The following NRG1 variants were observed in gnomAD, a reference collection of about 807,000 sequenced individuals.
The protein encoded by NRG1 is pro-neuregulin-1, membrane-bound isoform.
A neutral mutation model predicts 63.8 loss-of-function variants in NRG1; 18 were observed. That is an observed-to-expected ratio of 0.28 (90% CI 0.19 to 0.42). The LOEUF is 0.42. NRG1 is among the 10% of genes least tolerant of loss of function. The pLI, the probability that NRG1 is intolerant of heterozygous loss-of-function variation, is 1.00. For missense variants in NRG1, 762 were observed against 814.7 expected (o/e 0.94, Z 0.79); for synonymous variants, 302 against 301.3 (o/e 1.00, Z -0.02).
intron 1 of NRG1, among the ~76,000 whole-genome samples, chr8:32,401,454 T>C (rs1813187459): frequency 6.6e-6 from 1 of 152,120 alleles, no homozygotes; most frequent in South Asian, 2.1e-4. Flanking sequence ...TCACTAGAGG[T>C]TCATGAGGGC....
intron 1 of NRG1, among the ~76,000 whole-genome samples, chr8:32,178,153 A>G (rs1320044173): frequency 6.6e-6 from 1 of 152,178 alleles, no homozygotes; most frequent in South Asian, 2.1e-4. Context: ...AGCAGGGTCA[A>G]AATAAATTTT....
In NRG1 at chr8:32,614,950, A is replaced by G. The variant is rs1005557223; in HGVS notation, c.451+386A>G. ...TTCCTGGGTAATTTGTCAACATCTG[A>G]TCCGTGACCTTTGGGTTTCTAATAA... On this transcript the variant is annotated intron_variant, in intron 4 of 11. Transcript: ENST00000356819. Among the ~76,000 whole-genome samples the G allele has an allele frequency of 3.3e-5, 5 of 152,170 alleles. No homozygotes were observed. In the East Asian group the frequency reaches 5.8e-4, roughly 18 times the overall value.
intron 1 of NRG1, among the ~76,000 whole-genome samples, chr8:32,097,964 A>G (rs1830094256): frequency 6.6e-6 from 1 of 152,192 alleles, no homozygotes; most frequent in African/African-American, 2.4e-5. Context: ...AGACATTGGA[A>G]TATAGGTTTA....
chr8:31,759,448 A>G (rs1173451401), intron 1 of NRG1, among the ~76,000 whole-genome samples: 1 of 152,050 alleles, frequency 6.6e-6, no homozygotes, highest in Admixed American at 6.6e-5. Context: ...TTTCCTTTTC[A>G]TATACATATC....
chr8:31,840,854 C>T lies in NRG1; in HGVS notation c.37+201423C>T, dbSNP rs139236631. 3.2e-4 allele frequency among the ~76,000 whole-genome samples: 48 copies of T among 152,236 alleles called. No individual in the cohort carries two copies. In the East Asian group the frequency reaches 3.3e-3, roughly 10 times the overall value. ...GAGAAGGGAGAGAACACTGCCGAGT[C>T]ATTAGGGGCATGCTTTCAGTTCCTA... On this transcript the variant is annotated intron_variant, in intron 1 of 10. Coordinates refer to the NRG1 transcript ENST00000519301.
At chr8:31,894,710 C>T (rs888311249) in intron 1 of NRG1, among the ~76,000 whole-genome samples, 2 of 151,912 alleles carry the variant, frequency 1.3e-5, no homozygotes, top group Non-Finnish European at 2.9e-5. Context: ...ACCACCACGC[C>T]CGGCTAATTT....
intron 3 of NRG1, among the ~76,000 whole-genome samples, chr8:32,608,260 C>G (rs1017565017): frequency 1.3e-5 from 2 of 151,522 alleles, no homozygotes; most frequent in African/African-American, 2.4e-5. Context: ...CTCACTGCAA[C>G]CTCTGACTCC....
At chr8:31,758,486 C>T (rs1383102419) in intron 1 of NRG1, among the ~76,000 whole-genome samples, 1 of 152,108 alleles carries the variant, frequency 6.6e-6, no homozygotes, top group Non-Finnish European at 1.5e-5. Flanking sequence ...CAATGATACA[C>T]TGAATAAAGA....
At chr8:32,726,483 C>G (rs1196685545) in intron 5 of NRG1, among the ~76,000 whole-genome samples, 1 of 152,036 alleles carries the variant, frequency 6.6e-6, no homozygotes, top group Non-Finnish European at 1.5e-5. Flanking sequence ...CCACATCTGT[C>G]TCCAAATCCA....
chr8:32,738,216 A>C (rs1825563880), intron 6 of NRG1, among the ~76,000 whole-genome samples: 1 of 152,054 alleles, frequency 6.6e-6, no homozygotes, highest in Non-Finnish European at 1.5e-5. Context: ...AAAGGCAAGG[A>C]GAGAATTCTC....
chr8:32,253,489 A>G (rs184979345), intron 1 of NRG1, among the ~76,000 whole-genome samples: 1 of 152,290 alleles, frequency 6.6e-6, no homozygotes, highest in Non-Finnish European at 1.5e-5. Context: ...GTGATGGATT[A>G]CGTTTATTGG....
intron 3 of NRG1, among the ~76,000 whole-genome samples, chr8:32,612,104 A>G (rs1452113534): frequency 2.0e-5 from 3 of 152,046 alleles, no homozygotes; most frequent in Non-Finnish European, 4.4e-5. Flanking sequence ...AACCTCATTA[A>G]TTTGCACTAA....
chr8:31,853,978 G>C (rs1365621678), intron 1 of NRG1, among the ~76,000 whole-genome samples: 1 of 148,782 alleles, frequency 6.7e-6, no homozygotes, highest in East Asian at 2.0e-4. Flanking sequence ...GATCATGGTG[G>C]ATAAGCTTTT....
At chr8:32,294,221 G>A (rs1854571603) in intron 1 of NRG1, among the ~76,000 whole-genome samples, 1 of 151,928 alleles carries the variant, frequency 6.6e-6, no homozygotes, top group Non-Finnish European at 1.5e-5. Context: ...CTCACATGGA[G>A]CAGGTGTCCG....
chr8:31,958,044 CAGAT>C (rs59793665), intron 1 of NRG1, among the ~76,000 whole-genome samples: 34 of 145,956 alleles, frequency 2.3e-4, no homozygotes, highest in African/African-American at 6.4e-4. Context: ...CAGTAGAGAC[CAGAT>C]AGATAGATAG....
chr8:32,749,975 T>C (rs938830661), intron 7 of NRG1: 15 of 194,686 alleles, frequency 7.7e-5, no homozygotes, highest in Admixed American at 1.6e-4. Flanking sequence ...GCTTTTTAAA[T>C]CCATCTGCTT....
At chr8:31,764,986 G>A (rs186281779) in intron 1 of NRG1, among the ~76,000 whole-genome samples, 279 of 146,062 alleles carry the variant, frequency 1.9e-3, no homozygotes, top group Middle Eastern at 3.8e-3. Context: ...GAGAATATGC[G>A]GTGTTTGATC....
At chr8:32,353,851 T>C (rs1685109) in intron 1 of NRG1, among the ~76,000 whole-genome samples, 22,701 of 152,194 alleles carry the variant, frequency 0.15, 2,481 homozygotes, top group East Asian at 0.57. Context: ...CCTATGTCCA[T>C]ACAAAGACTT....
chr8:32,097,439 A>G (rs948143541), intron 1 of NRG1, among the ~76,000 whole-genome samples: 1 of 152,146 alleles, frequency 6.6e-6, no homozygotes, highest in Non-Finnish European at 1.5e-5. Context: ...CTTAATGGCT[A>G]TGCAAATTTC....
Sources: allele counts gnomAD v4.1 joint callset (sites outside exome capture counted in the v4.1 genomes callset), GRCh38; gene constraint gnomAD v4.1.1; transcripts MANE v1.5; gene names NCBI Gene and HGNC (gene_info 2026-07-23, HGNC 2026-07-21).